The following FHAD1 variants were observed in gnomAD, a reference collection of about 807,000 sequenced individuals.
The protein encoded by FHAD1 is forkhead-associated domain-containing protein 1.
FHAD1 carries 146 observed loss-of-function variants against 191.3 expected under a neutral mutation model. The ratio of observed to expected loss-of-function variants is 0.76; its 90% CI spans 0.67 to 0.88. The LOEUF (loss-of-function observed/expected upper bound fraction) is 0.88. Ranked by LOEUF, FHAD1 falls within the 40% of genes least tolerant of loss-of-function variation. FHAD1 has a pLI of 0.00. For missense variants in FHAD1, 1,635 were observed against 1,785.8 expected (o/e 0.92, Z 1.52); for synonymous variants, 616 against 672.3 (o/e 0.92, Z 1.29).
At position 15,289,500 on chromosome 1, in the gene FHAD1, C is replaced by A. The variant is rs749610562; in HGVS notation, c.402C>A (p.Pro134=). The A allele has an allele frequency of 4.5e-6, 7 of 1,551,910 alleles. No homozygotes were observed. The highest frequency in any genetic ancestry group is 6.1e-6 in the Non-Finnish European group (7 of 1,147,054). Residue 134 remains proline, a synonymous_variant, in exon 4 of 34, where the codon CCC becomes CCA. Coordinates refer to ENST00000688493, the MANE Select transcript of FHAD1 (RefSeq NM_001391957.1). This position sits in a 1 kb window ranked among gnomAD's most constrained non-coding sequence, Gnocchi z 4.2. ...PNQAPPPSHI[P]FHQGVQPAPM... Reference sequence around the variant, plus strand: ...AGGCCCCCCCACCATCACATATCCCCTTCCACCAAGGTGTCCAGCCAGCAC... The same window carrying A: ...AGGCCCCCCCACCATCACATATCCCATTCCACCAAGGTGTCCAGCCAGCAC...
chr1:15,359,423 G>C (rs1288448841), intron 21 of FHAD1, among the ~76,000 whole-genome samples: 1 of 152,130 alleles, frequency 6.6e-6, no homozygotes, highest in Non-Finnish European at 1.5e-5. Flanking sequence ...AGGGTGAGGT[G>C]GGAGCAGAAG....
intron 2 of FHAD1, among the ~76,000 whole-genome samples, chr1:15,253,379 G>A (rs1166881471): frequency 6.6e-6 from 1 of 152,066 alleles, no homozygotes; most frequent in African/African-American, 2.4e-5. Context: ...TAGAAATTGT[G>A]TTTAAATCTA....
At chr1:15,383,589 CCT>C (rs888006944) in intron 31 of FHAD1, 2 of 315,418 alleles carry the variant, frequency 6.3e-6, no homozygotes, top group Non-Finnish European at 1.3e-5. Flanking sequence ...GGAACAGTGA[CCT>C]CTAAATAGAG....
At chr1:15,328,634 C>CA in intron 13 of FHAD1, 2 of 425,680 alleles carry the variant, frequency 4.7e-6, no homozygotes. Flanking sequence ...TTGGCGTGTC[C>CA]AAAAAAGATG....
chr1:15,358,597 T>C (rs1693616711), intron 21 of FHAD1, among the ~76,000 whole-genome samples: 2 of 152,186 alleles, frequency 1.3e-5, no homozygotes, highest in African/African-American at 4.8e-5. Flanking sequence ...TACACAGAGC[T>C]AGGATGCCCT....
At chr1:15,249,320 T>C (rs1646490304) in intron 1 of FHAD1, among the ~76,000 whole-genome samples, 1 of 151,524 alleles carries the variant, frequency 6.6e-6, no homozygotes, top group Admixed American at 6.6e-5. Context: ...GTCATTCAGA[T>C]TTGGGGTTTT....
At position 15,337,466 on chromosome 1, in the gene FHAD1, C is replaced by T. The variant is rs142221950; in HGVS notation, c.1907-2015C>T. Among the ~76,000 whole-genome samples, 57 of 152,312 alleles carry T rather than the reference C, an allele frequency of 3.7e-4. No individual in the cohort carries two copies. The East Asian group carries it at 0.01, about 27-fold the overall frequency. ...ACCTGGGCGTCTCTCGGGCCCTTAG[C>T]GGAGCTCCCTGCCTCTCACTCAGAG... On this transcript the variant is annotated intron_variant, in intron 14 of 33. Coordinates refer to ENST00000688493, the MANE Select transcript of FHAD1 (RefSeq NM_001391957.1).
intron 2 of FHAD1, among the ~76,000 whole-genome samples, chr1:15,271,138 CGGAAAAAA>C (rs1368423553): frequency 1.0e-4 from 7 of 67,578 alleles, no homozygotes; most frequent in African/African-American, 2.6e-4. Context: ...GACTCCATCT[CGGAAAAAA>C]AAAAAAAAAA....
At chr1:15,242,800 G>C (rs1209164744), upstream of FHAD1, among the ~76,000 whole-genome samples, 1 of 152,106 alleles carries the variant, frequency 6.6e-6, no homozygotes, top group Non-Finnish European at 1.5e-5. Flanking sequence ...GGCTCTCTTC[G>C]CACAGCATCA....
At chr1:15,306,009 A>G (rs1196224601) in intron 6 of FHAD1, among the ~76,000 whole-genome samples, 1 of 152,242 alleles carries the variant, frequency 6.6e-6, no homozygotes, top group Admixed American at 6.5e-5. Context: ...GCTCAGAAGA[A>G]GAGAGGAAAA....
At chr1:15,293,116 A>G (rs374791134) in intron 4 of FHAD1, among the ~76,000 whole-genome samples, 1 of 152,154 alleles carries the variant, frequency 6.6e-6, no homozygotes, top group Non-Finnish European at 1.5e-5. Context: ...ACTGGCTGCC[A>G]CTCAATGAAA....
intron 4 of FHAD1, among the ~76,000 whole-genome samples, chr1:15,295,225 C>G (rs1666528758): frequency 6.6e-6 from 1 of 152,148 alleles, no homozygotes; most frequent in African/African-American, 2.4e-5. Context: ...GCCTCAGTTC[C>G]CTCACTTACA....
intron 33 of FHAD1, among the ~76,000 whole-genome samples, chr1:15,395,132 T>C (rs993703933): frequency 6.6e-6 from 1 of 151,830 alleles, no homozygotes; most frequent in Non-Finnish European, 1.5e-5. Context: ...GCTAACATGG[T>C]GAAACCCCAT....
intron 1 of FHAD1, among the ~76,000 whole-genome samples, chr1:15,238,899 T>C (rs942208606): frequency 1.3e-5 from 2 of 152,178 alleles, no homozygotes; most frequent in African/African-American, 4.8e-5. Context: ...ACAATAGTCC[T>C]AAACTCCTTC....
At chr1:15,264,711 C>G (rs1652693645) in intron 2 of FHAD1, among the ~76,000 whole-genome samples, 1 of 152,062 alleles carries the variant, frequency 6.6e-6, no homozygotes, top group Non-Finnish European at 1.5e-5. Context: ...AGTACTATTT[C>G]AAATAGAAGT....
At position 15,301,432 on chromosome 1, in the gene FHAD1, GA is replaced by G. The variant is rs778730401; in HGVS notation, c.910del (p.Ser304AlafsTer28). 1.3e-6 allele frequency: 2 copies of G among 1,551,666 alleles called. No individual in the cohort carries two copies. Among genetic ancestry groups the G allele is most frequent in the South Asian group, 2.4e-5 (2 of 83,980 alleles). ...CCAAACAGAAAGAGATCCAGAGCTT[GA>G]AAAGCCAGGTAGGCAGAGCCTGAGA... ...DAKQKEIQSL[K>X]SQISALQKGY... is the part of the protein sequence containing the mutation. On this transcript the variant is annotated frameshift_variant, in exon 6 of 34. Transcript: ENST00000688493. LOFTEE classifies it high-confidence loss of function.
At position 15,381,312 on chromosome 1, in the gene FHAD1, C is replaced by T. The variant is rs1014651613; in HGVS notation, c.3883C>T (p.Arg1295Cys). 7.1e-6 allele frequency: 11 copies of T among 1,551,348 alleles called. No homozygotes were observed. Among genetic ancestry groups the T allele is most frequent in the East Asian group, 2.4e-5 (1 of 40,924 alleles). The change falls in exon 30 of 34, where the codon CGC becomes TGC. Residue 1295 changes from arginine to cysteine, a missense_variant. Transcript: ENST00000688493. The surrounding 1 kb of genome is among the most constrained non-coding windows in gnomAD (Gnocchi z 4.6). Reference protein sequence around the residue: ...SGHVSMKYLSRQEREKVNQLR... With the variant: ...SGHVSMKYLSCQEREKVNQLR... ...CCACGTGTCCATGAAATACCTCTCC[C>T]GCCAGGAGAGGGAGAAGGTCAACCA...
intron 5 of FHAD1, among the ~76,000 whole-genome samples, chr1:15,299,217 AGG>A (rs369119575): frequency 0.028 from 3,880 of 140,064 alleles, 75 homozygotes; most frequent in Non-Finnish European, 0.042. Flanking sequence ...AAAAAAAAAA[AGG>A]AAAAAAAAAA....
chr1:15,324,054 A>G (rs1267238575), intron 10 of FHAD1, among the ~76,000 whole-genome samples: 8 of 152,218 alleles, frequency 5.3e-5, no homozygotes, highest in Non-Finnish European at 1.2e-4. Context: ...TAGAGCCCTT[A>G]CGAAGCGCTG....
Sources: allele counts gnomAD v4.1 joint callset (sites outside exome capture counted in the v4.1 genomes callset), GRCh38; gene constraint gnomAD v4.1.1; non-coding constraint Gnocchi (gnomAD v3.1); transcripts MANE v1.5; gene names NCBI Gene and HGNC (gene_info 2026-07-23, HGNC 2026-07-21).